The following TAOK3 variants were observed in gnomAD, a reference collection of about 807,000 sequenced individuals.
TAOK3 encodes the protein serine/threonine-protein kinase TAO3.
Under a neutral mutation model 120.4 loss-of-function variants are expected in TAOK3, and 40 were observed. The observed-to-expected ratio is 0.33, with a 90% CI of 0.26 to 0.43. The LOEUF is 0.43. Ranked by LOEUF, TAOK3 falls within the 20% of genes least tolerant of loss-of-function variation. The pLI, the probability that TAOK3 is intolerant of heterozygous loss-of-function variation, is 1.00. For synonymous variants in TAOK3, 355 were observed against 387.5 expected (o/e 0.92, Z 0.99); for missense variants, 821 against 1,112.1 (o/e 0.74, Z 3.72).
chr12:118,179,731 G>A (rs1175443845), intron 15 of TAOK3, among the ~76,000 whole-genome samples: 6 of 142,492 alleles, frequency 4.2e-5, no homozygotes, highest in African/African-American at 1.0e-4. Flanking sequence ...TGCAATCTCC[G>A]CCTCCCGGGT....
At chr12:118,318,127 C>T (rs576501692) in intron 1 of TAOK3, among the ~76,000 whole-genome samples, 4 of 151,254 alleles carry the variant, frequency 2.6e-5, no homozygotes, top group African/African-American at 4.9e-5. Flanking sequence ...AGAATAGATC[C>T]GAGACCTAAA....
intron 1 of TAOK3, among the ~76,000 whole-genome samples, chr12:118,280,252 C>T (rs577965875): frequency 6.6e-6 from 1 of 151,872 alleles, no homozygotes; most frequent in Non-Finnish European, 1.5e-5. Context: ...GTAGAGACAG[C>T]GTTTTGCCAC....
At chr12:118,323,216 C>G (rs2043796854) in intron 1 of TAOK3, among the ~76,000 whole-genome samples, 1 of 152,052 alleles carries the variant, frequency 6.6e-6, no homozygotes, top group African/African-American at 2.4e-5. Context: ...AACAATATAT[C>G]TAATATTGAG....
At chr12:118,157,900 A>C (rs1162979635) in intron 19 of TAOK3, among the ~76,000 whole-genome samples, 2 of 152,142 alleles carry the variant, frequency 1.3e-5, no homozygotes, top group African/African-American at 4.8e-5. Context: ...CCTTTTGCTA[A>C]AGCTCTTGTT....
chr12:118,233,607 C>A (rs1263315309), intron 9 of TAOK3, 67 bp downstream of exon 9: 1 of 1,200,038 alleles, frequency 8.3e-7, no homozygotes, highest in Non-Finnish European at 1.2e-6. Flanking sequence ...CTTAAAAATA[C>A]AATGAAAATT....
At chr12:118,317,289 G>C (rs986801324) in intron 1 of TAOK3, among the ~76,000 whole-genome samples, 7 of 136,294 alleles carry the variant, frequency 5.1e-5, no homozygotes, top group Non-Finnish European at 1.1e-4. Context: ...AAAAAAAATC[G>C]CTGGGAGAAT....
chr12:118,210,740 C>CTTTTTTTTTTTTTTTTTT (rs972130210), intron 11 of TAOK3, among the ~76,000 whole-genome samples: 1 of 139,086 alleles, frequency 7.2e-6, no homozygotes, highest in Non-Finnish European at 1.6e-5. Flanking sequence ...TTTCTTTTTT[C>CTTTTTTTTTTTTTTTTTT]TTTTTTTTTT....
chr12:118,168,990 TTCCTTCCTTC>T (rs1565885718), intron 17 of TAOK3, among the ~76,000 whole-genome samples: 91 of 128,494 alleles, frequency 7.1e-4, no homozygotes, highest in East Asian at 2.0e-3. Context: ...CCTTCCTTCC[TTCCTTCCTTC>T]CTTTCTTTCT....
intron 1 of TAOK3, among the ~76,000 whole-genome samples, chr12:118,289,258 C>T (rs1393373333): frequency 1.4e-5 from 2 of 141,984 alleles, no homozygotes; most frequent in Non-Finnish European, 3.0e-5. Context: ...GAGATTGCGC[C>T]GCTGCACTCA....
chr12:118,153,419 AT>A (rs2034591042), intron 19 of TAOK3, among the ~76,000 whole-genome samples: 1 of 152,088 alleles, frequency 6.6e-6, no homozygotes, highest in Non-Finnish European at 1.5e-5. Context: ...TAAAAAAAAA[AT>A]CTCTTCCTCT....
chr12:118,329,265 C>A (rs75326336), intron 1 of TAOK3, among the ~76,000 whole-genome samples: 2 of 152,260 alleles, frequency 1.3e-5, no homozygotes, highest in Non-Finnish European at 2.9e-5. Context: ...AAAGAAAAGG[C>A]ATGATAGCCC....
chr12:118,352,123 C>T (rs1245184755), intron 1 of TAOK3, among the ~76,000 whole-genome samples: 2 of 152,080 alleles, frequency 1.3e-5, no homozygotes, highest in East Asian at 1.9e-4. Flanking sequence ...CCGCCCACCT[C>T]GGCCTCCCAA....
At chr12:118,266,352 C>T (rs1437776019) in intron 2 of TAOK3, among the ~76,000 whole-genome samples, 1 of 131,238 alleles carries the variant, frequency 7.6e-6, no homozygotes, top group Admixed American at 7.8e-5. Context: ...GCCACCACGC[C>T]CGGCTAATTT....
chr12:118,154,453 T>G (rs1379511472), intron 19 of TAOK3, among the ~76,000 whole-genome samples: 1 of 152,180 alleles, frequency 6.6e-6, no homozygotes, highest in African/African-American at 2.4e-5. Flanking sequence ...TGTTTTTTCG[T>G]GGTTTTTGAG....
Position 118,238,154 on chromosome 12 carries a change from A to G in TAOK3, c.356T>C (p.Leu119Pro), listed in dbSNP as rs755854687. 1.4e-5 allele frequency: 22 copies of G among 1,611,094 alleles called. No homozygotes were observed. The Admixed American group carries it at 2.7e-4, about 20-fold the overall frequency. ...SDLLEVHKKP[L>P]QEVEIAAITH... ...AATGGCAGCGATCTCCACTTCCTGAAGTGGTTTTTTATGAACTGAGGAAGG... is the reference window on the plus strand; with the variant it reads ...AATGGCAGCGATCTCCACTTCCTGAGGTGGTTTTTTATGAACTGAGGAAGG... Residue 119 changes from leucine to proline, a missense_variant, in exon 7 of 21, where the codon CTT becomes CCT. Leu to Pro is a moderately conservative substitution (Grantham distance 98). Coordinates refer to ENST00000392533, the MANE Select transcript of TAOK3 (RefSeq NM_016281.4).
At chr12:118,359,386 GATAATT>G (rs2045517456) in intron 1 of TAOK3, 2 of 152,038 alleles carry the variant, frequency 1.3e-5, no homozygotes, top group Non-Finnish European at 2.9e-5. Flanking sequence ...TACTATTATT[GATAATT>G]ATATCAGCTT....
At position 118,161,683 on chromosome 12, in the gene TAOK3, G is replaced by A; in HGVS notation, c.2139+105C>T. 7.1e-7 allele frequency: 1 copy of A among 1,400,832 alleles called. No individual in the cohort carries two copies. Among genetic ancestry groups the A allele is most frequent in the Non-Finnish European group, 9.9e-7 (1 of 1,010,914 alleles). 86.8% of individuals were successfully genotyped at this position (1,400,832 alleles called of 1,614,324 possible). ...TGGAGATTCTGATACAATAGGTGTGGGGTGCAGAAATTTGTGATTCTGAAA... is the reference window on the plus strand; with the variant it reads ...TGGAGATTCTGATACAATAGGTGTGAGGTGCAGAAATTTGTGATTCTGAAA... On this transcript the variant is annotated intron_variant, in intron 18 of 20. Transcript: ENST00000392533. This position sits in a 1 kb window ranked among gnomAD's most constrained non-coding sequence, Gnocchi z 4.5.
chr12:118,327,865 T>C (rs772136013), intron 1 of TAOK3, among the ~76,000 whole-genome samples: 1 of 152,164 alleles, frequency 6.6e-6, no homozygotes, highest in Non-Finnish European at 1.5e-5. Flanking sequence ...GACACTATTA[T>C]ATAAAACTGA....
intron 13 of TAOK3, chr12:118,198,786 G>A: frequency 2.1e-6 from 1 of 471,580 alleles, no homozygotes. Context: ...TATTGGTTTA[G>A]AGAAGGACTT....
Sources: allele counts gnomAD v4.1 joint callset (sites outside exome capture counted in the v4.1 genomes callset), GRCh38; gene constraint gnomAD v4.1.1; non-coding constraint Gnocchi (gnomAD v3.1); transcripts MANE v1.5; gene names NCBI Gene and HGNC (gene_info 2026-07-23, HGNC 2026-07-21).